The following RTN4 variants were observed in gnomAD, a reference collection of about 807,000 sequenced individuals.
RTN4 encodes reticulon 4, also known as reticulon-4.
In RTN4, 32 loss-of-function variants were observed where a neutral mutation model predicts 90.4. That is an observed-to-expected ratio of 0.35 (90% CI 0.27 to 0.48). The LOEUF (loss-of-function observed/expected upper bound fraction) is 0.48, where lower values mean the gene tolerates loss of function less well. RTN4 is among the 20% of genes least tolerant of loss of function. RTN4 has a pLI of 0.99. For missense variants in RTN4, 1,706 were observed against 1,430.2 expected (o/e 1.19, Z -3.11); for synonymous variants, 629 against 552.5 (o/e 1.14, Z -1.94).
chr2:55,089,639 T>C (rs1225938104), intron 1 of RTN4, among the ~76,000 whole-genome samples: 3 of 152,248 alleles, frequency 2.0e-5, no homozygotes, highest in African/African-American at 7.2e-5. Context: ...CAACTGCATG[T>C]CTAGTGCTTT....
At position 54,987,674 on chromosome 2, in the gene RTN4, T is replaced by A; in HGVS notation, c.3038A>T (p.Asp1013Val). The A allele has an allele frequency of 3.1e-6, 5 of 1,613,902 alleles. No individual in the cohort carries two copies. Among genetic ancestry groups the A allele is most frequent in the Non-Finnish European group, 4.2e-6 (5 of 1,179,852 alleles). The change falls in exon 4 of 9, where the codon GAC becomes GTC. Residue 1013 changes from aspartate (D) to valine (V), a missense_variant. Transcript: ENST00000337526. ...AAACACCACTCCAGTCTTCTTAATGTCTCTCCAGTACAGGAGGTCAACAAC... is the reference window on the plus strand; with the variant it reads ...AAACACCACTCCAGTCTTCTTAATGACTCTCCAGTACAGGAGGTCAACAAC... Reference protein sequence around the residue: ...TSVVDLLYWRDIKKTGVVFGA... With the variant: ...TSVVDLLYWRVIKKTGVVFGA...
At chr2:55,053,070 T>C (rs1448184827), upstream of RTN4, among the ~76,000 whole-genome samples, 1 of 152,206 alleles carries the variant, frequency 6.6e-6, no homozygotes, top group Non-Finnish European at 1.5e-5. Flanking sequence ...TTAATATTGA[T>C]GCAATAATAT....
chr2:55,011,733 T>G (rs1247257495), intron 3 of RTN4, among the ~76,000 whole-genome samples: 2 of 152,026 alleles, frequency 1.3e-5, no homozygotes, highest in Non-Finnish European at 2.9e-5. Context: ...TAGAAAGAAC[T>G]AAAATTAGGA....
chr2:55,107,697 G>A (rs1667967666), intron 1 of RTN4, among the ~76,000 whole-genome samples: 1 of 152,064 alleles, frequency 6.6e-6, no homozygotes, highest in Non-Finnish European at 1.5e-5. Context: ...AGGGTGCCCT[G>A]GGCATCCAGA....
At chr2:55,113,194 C>G (rs1032024949), upstream of RTN4, among the ~76,000 whole-genome samples, 1 of 152,222 alleles carries the variant, frequency 6.6e-6, no homozygotes. Context: ...AAGCCCTCTC[C>G]TTTCTTCTGC....
rs138949761 is a variant in RTN4, at chr2:55,040,455, G to T, written c.556+9290C>A. On this transcript the variant is annotated intron_variant, in intron 1 of 8. Transcript: ENST00000337526. ...AAAAAAAAAGTTGTAACACTTTTAG[G>T]TCACCTCCATCTACGGTTGTCAGGG... is the stretch of plus-strand genomic sequence containing the variant. Among the ~76,000 whole-genome samples, 189 of 152,154 alleles carry T rather than the reference G, an allele frequency of 1.2e-3. 1 individual carries two copies. The highest frequency in any genetic ancestry group is 3.4e-3 in the Middle Eastern group (1 of 294).
At chr2:55,065,545 T>G (rs1668374620) in intron 2 of RTN4, among the ~76,000 whole-genome samples, 1 of 152,018 alleles carries the variant, frequency 6.6e-6, no homozygotes, top group Non-Finnish European at 1.5e-5. Flanking sequence ...AAGAGTAGAA[T>G]GGATTAATTC....
intron 2 of RTN4, among the ~76,000 whole-genome samples, chr2:55,071,082 T>C (rs1490793162): frequency 6.6e-6 from 1 of 151,660 alleles, no homozygotes; most frequent in Non-Finnish European, 1.5e-5. Flanking sequence ...TGCCTTTTTT[T>C]TCTTCTTTTT....
rs774622208 is a variant in RTN4 at position 54,973,184 on chromosome 2, A to AT, written c.3550dup (p.Ile1184AsnfsTer9). 9 of 1,604,078 alleles carry AT rather than the reference A, an allele frequency of 5.6e-6. No individual in the cohort carries two copies. The highest frequency in any genetic ancestry group is 2.2e-5 in the South Asian group (2 of 90,370). ...TTCAGCTTTGCGCTTCAATCCAGGG[A>AT]TTTTTGCTTGGATTCTGAAAATGAA... On this transcript the variant is annotated frameshift_variant, in exon 9 of 9. Coordinates refer to ENST00000337526, the MANE Select transcript of RTN4 (RefSeq NM_020532.5). LOFTEE classifies it high-confidence loss of function.
At chr2:55,055,378 G>A (rs570937351), upstream of RTN4, among the ~76,000 whole-genome samples, 12 of 152,104 alleles carry the variant, frequency 7.9e-5, no homozygotes, top group East Asian at 1.9e-3. Context: ...AATACTTAAA[G>A]GTTGAAGTGT....
intron 1 of RTN4, chr2:55,049,081 G>C (rs1463440291): frequency 1.1e-5 from 11 of 985,292 alleles, no homozygotes; most frequent in Non-Finnish European, 1.3e-5. Context: ...GACTTTACCA[G>C]AACTCTCTCC....
At chr2:55,117,122 C>T (rs1217213665), upstream of RTN4, among the ~76,000 whole-genome samples, 1 of 152,160 alleles carries the variant, frequency 6.6e-6, no homozygotes, top group Admixed American at 6.5e-5. Context: ...GATCCACCTG[C>T]CTTGGCCTCC....
chr2:55,044,137 G>C (rs1475224039), intron 1 of RTN4, among the ~76,000 whole-genome samples: 1 of 152,146 alleles, frequency 6.6e-6, no homozygotes, highest in African/African-American at 2.4e-5. Flanking sequence ...TGAGGCTGCA[G>C]TGAGCCAAGA....
chr2:55,001,496 C>T (rs1558788435), intron 3 of RTN4, among the ~76,000 whole-genome samples: 1 of 152,132 alleles, frequency 6.6e-6, no homozygotes, highest in East Asian at 1.9e-4. Context: ...AGAAAACATC[C>T]ACTAAGTAAT....
the RTN4 span, among the ~76,000 whole-genome samples, chr2:55,134,131 G>C: frequency 6.6e-6 from 1 of 152,072 alleles, no homozygotes; most frequent in Non-Finnish European, 1.5e-5. Context: ...GTCGCTAGTG[G>C]GCATTTCCTT....
chr2:55,124,638 G>A, the RTN4 span, among the ~76,000 whole-genome samples: 117 of 152,216 alleles, frequency 7.7e-4, no homozygotes, highest in Middle Eastern at 6.8e-3. Context: ...TGGCTATACT[G>A]GCCATAGCAA....
At chr2:55,072,721 C>T (rs1276788686) in intron 2 of RTN4, among the ~76,000 whole-genome samples, 1 of 152,094 alleles carries the variant, frequency 6.6e-6, no homozygotes, top group Admixed American at 6.5e-5. Flanking sequence ...TAATGATATT[C>T]GATATGCATT....
At chr2:55,013,281 T>G (rs1428848264) in intron 3 of RTN4, among the ~76,000 whole-genome samples, 1 of 152,100 alleles carries the variant, frequency 6.6e-6, no homozygotes, top group African/African-American at 2.4e-5. Context: ...CTGTTCAAAG[T>G]TCATATTTGG....
In RTN4 at chr2:55,050,291, G is replaced by C; in HGVS notation, c.10C>G (p.Leu4Val). 1 of 1,444,864 alleles carries C rather than the reference G, an allele frequency of 6.9e-7. No individual in the cohort carries two copies. Among genetic ancestry groups the C allele is most frequent in the Non-Finnish European group, 9.1e-7 (1 of 1,098,660 alleles). 89.5% of individuals were successfully genotyped at this position (1,444,864 alleles called of 1,614,324 possible). ...GACGAGACCAGAGGAGACTGGTCCA[G>C]GTCTTCCATGGCTGGAGGGTGGAGA... is the stretch of plus-strand genomic sequence containing the variant. Reference protein sequence around the residue: MEDLDQSPLVSSSD... With the variant: MEDVDQSPLVSSSD... The change falls in exon 1 of 9, where the codon CTG becomes GTG. Residue 4 changes from leucine (L) to valine (V), a missense_variant. By Grantham distance (32) the Leu-to-Val change is conservative. Transcript: ENST00000337526. The surrounding 1 kb of genome is among the most constrained non-coding windows in gnomAD (Gnocchi z 4.6).
Sources: allele counts gnomAD v4.1 joint callset (sites outside exome capture counted in the v4.1 genomes callset), GRCh38; gene constraint gnomAD v4.1.1; non-coding constraint Gnocchi (gnomAD v3.1); transcripts MANE v1.5; gene names NCBI Gene and HGNC (gene_info 2026-07-23, HGNC 2026-07-21).